Variants in TJP1 observed in about 807,000 individuals in gnomAD.
TJP1 encodes tight junction protein ZO-1.
A neutral mutation model predicts 194.2 loss-of-function variants in TJP1; 43 were observed. The observed-to-expected ratio is 0.22, with a 90% confidence interval of 0.17 to 0.29. TJP1 has a LOEUF of 0.29. Ranked by LOEUF, TJP1 falls within the 10% of genes least tolerant of loss-of-function variation. The probability of loss-of-function intolerance (pLI) is 1.00; values close to 1 mark genes in which losing one functional copy is unlikely to be tolerated. For missense variants in TJP1, 1,971 were observed against 2,185.7 expected, an observed-to-expected ratio of 0.90 and a Z score of 1.96; for synonymous variants, 801 against 779.0, an observed-to-expected ratio of 1.03 and a Z score of -0.47.
At chr15:29,720,269 G>A (rs1566892074) in intron 19 of TJP1, 89 bp downstream of exon 19, 16 of 1,214,688 alleles carry the variant, frequency 1.3e-5, no homozygotes, top group African/African-American at 3.0e-5. Context: ...CTGGAGAAAG[G>A]ACAACATATA....
intron 2 of TJP1, among the ~76,000 whole-genome samples, chr15:29,799,438 G>C (rs2048632974): frequency 6.6e-6 from 1 of 150,970 alleles, no homozygotes; most frequent in Admixed American, 6.6e-5. Flanking sequence ...TTTTGAGAGG[G>C]AGTCTCGCCT....
intron 2 of TJP1, among the ~76,000 whole-genome samples, chr15:29,914,459 A>C (rs1273854300): frequency 6.6e-6 from 1 of 152,154 alleles, no homozygotes; most frequent in African/African-American, 2.4e-5. Flanking sequence ...TTGTTCAACA[A>C]ATCTGTATTC....
intron 23 of TJP1, among the ~76,000 whole-genome samples, chr15:29,712,809 T>TAA (rs746405153): frequency 1.0e-4 from 11 of 108,264 alleles, no homozygotes; most frequent in Middle Eastern, 4.8e-3. Context: ...CATGTCCCAT[T>TAA]AAAAAAAAAA....
At chr15:29,949,599 C>G (rs1181230581) in intron 2 of TJP1, among the ~76,000 whole-genome samples, 2 of 84,474 alleles carry the variant, frequency 2.4e-5, no homozygotes, top group African/African-American at 3.4e-5. Context: ...TCCACAACCA[C>G]CACCTCCACC....
rs1480515832 is a variant in TJP1 at position 29,742,358 on chromosome 15, T to C, written c.1150+284A>G. 1.3e-5 allele frequency among the ~76,000 whole-genome samples: 2 copies of C among 152,182 alleles called. 1 individual carries two copies. The highest frequency in any genetic ancestry group is 2.9e-5 in the Non-Finnish European group (2 of 68,034). On this transcript the variant is annotated intron_variant, in intron 9 of 27. Transcript: ENST00000614355. ...TTTCTTTTTAAATTTTTGAAGCCAATCTCATGTTTCTCTTTAAGGAGCAGT... is the reference window on the plus strand; with the variant it reads ...TTTCTTTTTAAATTTTTGAAGCCAACCTCATGTTTCTCTTTAAGGAGCAGT...
intron 15 of TJP1, chr15:29,732,186 G>C (rs1411449709): frequency 2.1e-6 from 1 of 483,494 alleles, no homozygotes; most frequent in Admixed American, 3.6e-5. Flanking sequence ...AGGATTCAAT[G>C]ACATTGTATG....
intron 2 of TJP1, among the ~76,000 whole-genome samples, chr15:29,775,346 C>T (rs1387354104): frequency 2.0e-5 from 3 of 150,374 alleles, no homozygotes; most frequent in African/African-American, 7.3e-5. Context: ...AAAAAATATG[C>T]TGAGGTTACT....
intron 2 of TJP1, among the ~76,000 whole-genome samples, chr15:29,890,000 C>T (rs1216125391): frequency 2.6e-5 from 4 of 152,182 alleles, no homozygotes; most frequent in Admixed American, 2.0e-4. Context: ...TTCCTCTGCT[C>T]AAAAGTTGCC....
At chr15:29,753,070 C>T (rs1411883684) in intron 8 of TJP1, among the ~76,000 whole-genome samples, 2 of 152,298 alleles carry the variant, frequency 1.3e-5, no homozygotes, top group East Asian at 3.9e-4. Flanking sequence ...TTACACTACC[C>T]TGATTCTCTT....
chr15:29,732,573 C>A (rs1191495075), intron 14 of TJP1, 45 bp from the exon 15 acceptor site: 5 of 1,613,084 alleles, frequency 3.1e-6, no homozygotes, highest in Non-Finnish European at 3.4e-6. Flanking sequence ...TATACCTTTT[C>A]TTTCTTAAAC....
intron 20 of TJP1, 112 bp from the exon 21 acceptor site, chr15:29,719,250 T>A: frequency 8.1e-7 from 1 of 1,227,250 alleles, no homozygotes. Flanking sequence ...ATGGTATGTT[T>A]TACCATTTAT....
At chr15:29,882,617 G>A (rs2052976669) in intron 2 of TJP1, among the ~76,000 whole-genome samples, 1 of 152,166 alleles carries the variant, frequency 6.6e-6, no homozygotes, top group Admixed American at 6.5e-5. Flanking sequence ...TGACTTAGGT[G>A]CCTGGATTAA....
chr15:29,806,588 A>C (rs1465054927), intron 1 of TJP1, among the ~76,000 whole-genome samples: 4 of 152,152 alleles, frequency 2.6e-5, no homozygotes, highest in Non-Finnish European at 4.4e-5. Flanking sequence ...CTGAACTCCA[A>C]AGTGTTTCTG....
rs77479318 is a variant in TJP1, at chr15:29,778,906, C to T, written c.85-5549G>A. On this transcript the variant is annotated intron_variant, in intron 2 of 27. Transcript: ENST00000614355. ...CACACTTGTGCTACTTAACACACAG[C>T]ACAAGTAGCCTCGGTTAGCAAGGCC... 4.0e-3 allele frequency among the ~76,000 whole-genome samples: 605 copies of T among 152,252 alleles called. 14 individuals carry two copies. In the East Asian group the frequency reaches 0.075, roughly 19 times the overall value.
At chr15:29,878,454 A>G (rs1300780973) in intron 2 of TJP1, among the ~76,000 whole-genome samples, 1 of 152,164 alleles carries the variant, frequency 6.6e-6, no homozygotes, top group Non-Finnish European at 1.5e-5. Context: ...GCTGTTATGA[A>G]TTCTTGGGAA....
chr15:29,946,123 G>A (rs1005173828), intron 2 of TJP1, among the ~76,000 whole-genome samples: 1 of 152,212 alleles, frequency 6.6e-6, no homozygotes, highest in Admixed American at 6.5e-5. Context: ...GAGCCAGGCT[G>A]AAGGAGCTCC....
At chr15:29,882,110 G>A (rs763250768) in intron 2 of TJP1, among the ~76,000 whole-genome samples, 2 of 152,138 alleles carry the variant, frequency 1.3e-5, no homozygotes, top group Non-Finnish European at 2.9e-5. Flanking sequence ...ATACTGAGAA[G>A]TCAGACTACA....
At chr15:29,778,378 A>C (rs1230453880) in intron 2 of TJP1, among the ~76,000 whole-genome samples, 1 of 152,106 alleles carries the variant, frequency 6.6e-6, no homozygotes, top group Admixed American at 6.5e-5. Flanking sequence ...AGCAGCCAGG[A>C]ACGAGAGCTG....
chr15:29,814,605 CTT>C (rs2049773970), intron 1 of TJP1, among the ~76,000 whole-genome samples: 1 of 152,154 alleles, frequency 6.6e-6, no homozygotes, highest in South Asian at 2.1e-4. Flanking sequence ...GAAAAATGAA[CTT>C]TTCAGTCTTT....
Sources: gnomAD v4.1 joint callset for allele counts (sites outside exome capture counted in the v4.1 genomes callset) on GRCh38, gnomAD v4.1.1 for gene constraint, MANE v1.5 for transcripts, NCBI Gene and HGNC (gene_info 2026-07-23, HGNC 2026-07-21) for gene names.